Variants in ATOSA observed in about 807,000 individuals in gnomAD.
ATOSA encodes atos homolog protein A.
the ATOSA span, among the ~76,000 whole-genome samples, chr15:52,600,872 T>C: frequency 6.6e-6 from 1 of 151,878 alleles, no homozygotes; most frequent in Non-Finnish European, 1.5e-5. Context: ...AAAACCAATG[T>C]AAGAGTTTAT....
At chr15:52,608,013 T>C in the ATOSA span, among the ~76,000 whole-genome samples, 1 of 152,138 alleles carries the variant, frequency 6.6e-6, no homozygotes, top group Non-Finnish European at 1.5e-5. Flanking sequence ...CCCAAACAGT[T>C]GGGCCTACAG....
the ATOSA span, among the ~76,000 whole-genome samples, chr15:52,702,369 C>A: frequency 6.6e-6 from 1 of 152,110 alleles, no homozygotes; most frequent in African/African-American, 2.4e-5. Context: ...AGGTGCCCAA[C>A]AAGTGAGCTG....
the ATOSA span, among the ~76,000 whole-genome samples, chr15:52,583,284 G>C: frequency 6.6e-6 from 1 of 152,220 alleles, no homozygotes; most frequent in African/African-American, 2.4e-5. Context: ...AATAGCTATG[G>C]TTGTTAAACT....
At chr15:52,619,253 T>C in the ATOSA span, among the ~76,000 whole-genome samples, 1 of 152,184 alleles carries the variant, frequency 6.6e-6, no homozygotes, top group East Asian at 1.9e-4. Context: ...ACTTGAAAAT[T>C]GGCAGTAAAA....
chr15:52,587,222 T>C, the ATOSA span: 1 of 1,611,288 alleles, frequency 6.2e-7, no homozygotes, highest in East Asian at 2.2e-5. Flanking sequence ...ATCACACCCT[T>C]GAAATAAAAG....
At chr15:52,582,323 A>T in the ATOSA span, 1 of 1,551,484 alleles carries the variant, frequency 6.4e-7, no homozygotes, top group Non-Finnish European at 8.6e-7. Flanking sequence ...CAAATAAACA[A>T]AATATAAAAC....
chr15:52,599,287 T>C, the ATOSA span, among the ~76,000 whole-genome samples: 1 of 152,166 alleles, frequency 6.6e-6, no homozygotes, highest in African/African-American at 2.4e-5. Flanking sequence ...GCCTATGCAA[T>C]TTTAATTTGA....
At chr15:52,685,005 A>T in the ATOSA span, among the ~76,000 whole-genome samples, 228 of 152,376 alleles carry the variant, frequency 1.5e-3, 2 homozygotes, top group Non-Finnish European at 3.8e-4. Flanking sequence ...AATATTGATC[A>T]CATGTTGAAA....
the ATOSA span, chr15:52,586,016 A>G: frequency 6.6e-6 from 1 of 152,212 alleles, no homozygotes; most frequent in East Asian, 1.9e-4. Context: ...GAAGACATAT[A>G]ATTAACCACT....
chr15:52,675,493 T>G, the ATOSA span, among the ~76,000 whole-genome samples: 1 of 152,230 alleles, frequency 6.6e-6, no homozygotes, highest in Non-Finnish European at 1.5e-5. Context: ...AAACTTTAAC[T>G]CTTTGAAGCA....
At chr15:52,678,354 G>A in the ATOSA span, 1 of 457,400 alleles carries the variant, frequency 2.2e-6, no homozygotes, top group Middle Eastern at 6.2e-4. Flanking sequence ...CACAGTCTCT[G>A]AACCAAAACA....
chr15:52,641,022 G>A, the ATOSA span, among the ~76,000 whole-genome samples: 6 of 152,216 alleles, frequency 3.9e-5, no homozygotes, highest in South Asian at 2.1e-4. Flanking sequence ...TCTTTTAAGC[G>A]TCTTTTGAAA....
At chr15:52,615,360 TCAATTTGTTGTA>T in the ATOSA span, among the ~76,000 whole-genome samples, 194 of 152,358 alleles carry the variant, frequency 1.3e-3, no homozygotes, top group African/African-American at 4.4e-3. Context: ...CACACACTAT[TCAATTTGTTGTA>T]CAATTTGTTG....
At chr15:52,610,082 C>G in the ATOSA span, 1 of 1,613,994 alleles carries the variant, frequency 6.2e-7, no homozygotes, top group East Asian at 2.2e-5. Context: ...AACACACTTT[C>G]AGGTGCCATG....
At chr15:52,609,610 C>T in the ATOSA span, 2 of 1,612,762 alleles carry the variant, frequency 1.2e-6, no homozygotes, top group Non-Finnish European at 1.7e-6. Flanking sequence ...TTCTGGGGAA[C>T]TAAACTCTGG....
At chr15:52,640,779 T>C in the ATOSA span, among the ~76,000 whole-genome samples, 1 of 152,046 alleles carries the variant, frequency 6.6e-6, no homozygotes, top group Non-Finnish European at 1.5e-5. Flanking sequence ...AAATTTTTAT[T>C]TATAACTGAC....
chr15:52,670,198 T>G, the ATOSA span, among the ~76,000 whole-genome samples: 2 of 152,232 alleles, frequency 1.3e-5, no homozygotes, highest in African/African-American at 4.8e-5. Context: ...CTTTCATGCT[T>G]GTTCCAACCA....
chr15:52,588,531 C>T, the ATOSA span, among the ~76,000 whole-genome samples: 24 of 152,186 alleles, frequency 1.6e-4, no homozygotes, highest in East Asian at 3.5e-3. Flanking sequence ...CCTTGCCTCC[C>T]GGGTTCAAGC....
At chr15:52,650,908 A>T in the ATOSA span, among the ~76,000 whole-genome samples, 2 of 152,236 alleles carry the variant, frequency 1.3e-5, no homozygotes, top group African/African-American at 4.8e-5. Context: ...GCTAAATCAC[A>T]TATGTAAACT....
Sources: allele counts gnomAD v4.1 joint callset (sites outside exome capture counted in the v4.1 genomes callset), GRCh38; gene constraint gnomAD v4.1.1; transcripts MANE v1.5; gene names NCBI Gene and HGNC (gene_info 2026-07-23, HGNC 2026-07-21).